The following ZKSCAN5 variants were observed in gnomAD, a reference collection of about 807,000 sequenced individuals.
ZKSCAN5 encodes the protein zinc finger with KRAB and SCAN domains 5.
ZKSCAN5 carries 28 observed loss-of-function variants against 60.0 expected under a neutral mutation model. That is an observed-to-expected ratio of 0.47 (90% CI 0.35 to 0.64). The LOEUF (loss-of-function observed/expected upper bound fraction) is 0.64, where lower values mean the gene tolerates loss of function less well. Among genes scored for constraint, ZKSCAN5 ranks in the 30% least tolerant of loss-of-function variants. The probability of loss-of-function intolerance (pLI) is 0.01; values close to 1 mark genes in which losing one functional copy is unlikely to be tolerated. For missense variants in ZKSCAN5, 881 were observed against 1,034.6 expected, an observed-to-expected ratio of 0.85 and a Z score of 2.04; for synonymous variants, 361 against 371.2, an observed-to-expected ratio of 0.97 and a Z score of 0.31.
Position 99,526,320 on chromosome 7 carries a change from A to G in ZKSCAN5, c.1280A>G (p.Glu427Gly). 6.2e-7 allele frequency: 1 copy of G among 1,610,998 alleles called. No individual in the cohort carries two copies. Among genetic ancestry groups the G allele is most frequent in the Non-Finnish European group, 8.5e-7 (1 of 1,180,010 alleles). ...CAGCACCACAGTGTCCACAGCGGAG[A>G]GAGGCCCTATGGCTGCAATGAGTGT... ...LVQHHSVHSG[E>G]RPYGCNECGK... Residue 427 changes from glutamate to glycine, a missense_variant, in exon 6 of 7, where the codon GAG becomes GGG. This residue lies in a region of ZKSCAN5 where 490 missense variants were observed against 554.5 expected (regional missense o/e 0.88). Coordinates refer to ENST00000326775, the MANE Select transcript of ZKSCAN5 (RefSeq NM_145102.4).
chr7:99,506,365 GCCC>G lies in ZKSCAN5; in HGVS notation c.322_324del (p.Pro108del). ...TGACCATCCTGCCTGAAGAGTTCCA[GCCC>G]TGGGTGAGGGAACATCACCCTGAAA... On this transcript the variant is annotated inframe_deletion, in exon 2 of 7. Transcript: ENST00000326775. The G allele has an allele frequency of 6.2e-7, 1 of 1,614,224 alleles. No individual in the cohort carries two copies. Among genetic ancestry groups the G allele is most frequent in the Non-Finnish European group, 8.5e-7 (1 of 1,180,046 alleles).
Position 99,532,558 on chromosome 7 carries a change from A to C in ZKSCAN5, c.*309A>C. The C allele has an allele frequency of 4.1e-6, 1 of 242,002 alleles. No homozygotes were observed. The highest frequency in any genetic ancestry group is 7.9e-6 in the Non-Finnish European group (1 of 126,518). The allele number at this position is 242,002 out of a possible 1,614,324, so 15.0% of individuals were successfully genotyped here. ...AGTTGACATTCAGTCTTCACTTGAA[A>C]CTCAAAACTGACACTAGGAACAGCT... On this transcript the variant is annotated 3_prime_UTR_variant, in exon 7 of 7. Coordinates refer to ENST00000326775, the MANE Select transcript of ZKSCAN5 (RefSeq NM_145102.4).
intron 3 of ZKSCAN5, among the ~76,000 whole-genome samples, chr7:99,515,141 A>G (rs1204233121): frequency 1.3e-5 from 2 of 152,058 alleles, no homozygotes; most frequent in Non-Finnish European, 2.9e-5. Flanking sequence ...GTGGTGGCTC[A>G]CGCTTGTAAT....
chr7:99,513,932 C>T (rs915538635), intron 3 of ZKSCAN5, among the ~76,000 whole-genome samples: 4 of 152,070 alleles, frequency 2.6e-5, no homozygotes, highest in African/African-American at 9.7e-5. Context: ...GTAATCCCAG[C>T]TACTCAGGAG....
At chr7:99,509,109 C>T (rs766270550) in intron 2 of ZKSCAN5, among the ~76,000 whole-genome samples, 2 of 152,232 alleles carry the variant, frequency 1.3e-5, no homozygotes, top group South Asian at 2.1e-4. Context: ...CTGCCTCAGC[C>T]TCCCGAGTAG....
At chr7:99,520,636 C>T (rs1194080250) in intron 5 of ZKSCAN5, among the ~76,000 whole-genome samples, 2 of 151,910 alleles carry the variant, frequency 1.3e-5, no homozygotes, top group African/African-American at 2.4e-5. Flanking sequence ...TTTGGGAGGC[C>T]GAGGTGGGAG....
intron 3 of ZKSCAN5, among the ~76,000 whole-genome samples, chr7:99,514,977 G>A (rs1163196882): frequency 1.3e-5 from 2 of 152,040 alleles, no homozygotes; most frequent in Non-Finnish European, 2.9e-5. Flanking sequence ...CTATACCAGA[G>A]GCTGAGGTGG....
rs1801766468 is a variant in ZKSCAN5, at chr7:99,525,994, A to G, written c.954A>G (p.Ser318=). 6.2e-7 allele frequency: 1 copy of G among 1,614,144 alleles called. No homozygotes were observed. The highest frequency in any genetic ancestry group is 8.5e-7 in the Non-Finnish European group (1 of 1,180,036). Residue 318 remains serine, a synonymous_variant, in exon 6 of 7, where the codon TCA becomes TCG. Transcript: ENST00000326775. The part of the protein sequence containing the change: ...RWQVNPTVGK[S]RQNPSQKRDL... ...AGGTCAACCCCACTGTGGGGAAATCAAGGCAGAATCCTTCCCAGAAAAGGG... is the reference window on the plus strand; with the variant it reads ...AGGTCAACCCCACTGTGGGGAAATCGAGGCAGAATCCTTCCCAGAAAAGGG...
intron 2 of ZKSCAN5, among the ~76,000 whole-genome samples, chr7:99,511,994 G>C (rs1371731953): frequency 2.6e-5 from 4 of 152,036 alleles, no homozygotes; most frequent in Non-Finnish European, 4.4e-5. Flanking sequence ...GGGTTTCACC[G>C]TGTTAGCCAG....
In ZKSCAN5 at chr7:99,506,088, C is replaced by G. The variant is rs1317232881; in HGVS notation, c.44C>G (p.Pro15Arg). 1 of 1,613,976 alleles carries G rather than the reference C, an allele frequency of 6.2e-7. No homozygotes were observed. ...ESREVIDLDP[P>R]AETSQEQEDL... ...CGAGAAGTTATAGACTTAGACCCCC[C>G]AGCTGAGACTTCCCAGGAGCAGGAA... The change falls in exon 2 of 7, where the codon CCA becomes CGA. Residue 15 changes from proline (P) to arginine (R), a missense_variant. By Grantham distance (103) the Pro-to-Arg change is moderately radical. Coordinates refer to ENST00000326775, the MANE Select transcript of ZKSCAN5 (RefSeq NM_145102.4).
At chr7:99,526,523 G>T (rs1801801992) in intron 6 of ZKSCAN5, 105 bp downstream of exon 6, 2 of 1,477,702 alleles carry the variant, frequency 1.4e-6, no homozygotes, top group South Asian at 1.3e-5. Context: ...ACTGGGGGGG[G>T]TAGGAAGAGG....
At chr7:99,510,893 G>GGCGCCCA in intron 2 of ZKSCAN5, among the ~76,000 whole-genome samples, 2 of 152,054 alleles carry the variant, frequency 1.3e-5, no homozygotes, top group African/African-American at 4.8e-5. Context: ...ATAGATGTAT[G>GGCGCCCA]CTACCAGGCC....
chr7:99,524,555 A>T (rs1463007671), intron 5 of ZKSCAN5, among the ~76,000 whole-genome samples: 1 of 152,142 alleles, frequency 6.6e-6, no homozygotes, highest in Non-Finnish European at 1.5e-5. Flanking sequence ...GTCTCTGCAA[A>T]CCATATTAAA....
intron 3 of ZKSCAN5, among the ~76,000 whole-genome samples, chr7:99,517,815 C>G (rs940204754): frequency 6.6e-6 from 1 of 151,378 alleles, no homozygotes; most frequent in African/African-American, 2.4e-5. Context: ...CCACTGTACT[C>G]CAGCCTGGGT....
At chr7:99,526,597 C>G (rs1366958986) in intron 6 of ZKSCAN5, among the ~76,000 whole-genome samples, 179 bp downstream of exon 6, 1 of 152,180 alleles carries the variant, frequency 6.6e-6, no homozygotes, top group African/African-American at 2.4e-5. Flanking sequence ...CTCTGTCGCC[C>G]AGGCTGGAGT....
At position 99,512,447 on chromosome 7, in the gene ZKSCAN5, T is replaced by G. The variant is rs1440349092; in HGVS notation, c.415-6T>G. The G allele has an allele frequency of 6.2e-7, 1 of 1,613,138 alleles. No individual in the cohort carries two copies. Among genetic ancestry groups the G allele is most frequent in the Admixed American group, 1.7e-5 (1 of 59,854 alleles). On this transcript the variant is annotated splice_region_variant and splice_polypyrimidine_tract_variant and intron_variant, in intron 2 of 6. Coordinates refer to ENST00000326775, the MANE Select transcript of ZKSCAN5 (RefSeq NM_145102.4). The stretch of plus-strand genomic sequence containing the variant: ...TGTACTGATCGGTTTTGGTTGTGGT[T>G]GTTAGATTGTTGCCTGCCCTGATGT...
chr7:99,527,896 C>T (rs1450955129), intron 6 of ZKSCAN5, among the ~76,000 whole-genome samples: 1 of 151,916 alleles, frequency 6.6e-6, no homozygotes, highest in Non-Finnish European at 1.5e-5. Context: ...ACTATATTGG[C>T]CAGGATGGTC....
At chr7:99,512,315 CAT>C in intron 2 of ZKSCAN5, 136 bp from the exon 3 acceptor site, 1 of 1,033,272 alleles carries the variant, frequency 9.7e-7, no homozygotes, top group Non-Finnish European at 1.4e-6. Flanking sequence ...TAAGTAACTG[CAT>C]AATCAGTGCG....
At chr7:99,512,781 T>A (rs1460320823) in intron 3 of ZKSCAN5, among the ~76,000 whole-genome samples, 190 bp downstream of exon 3, 1 of 152,106 alleles carries the variant, frequency 6.6e-6, no homozygotes, top group Non-Finnish European at 1.5e-5. Flanking sequence ...ATTCCTAGAA[T>A]GGCTAGGAAT....
Sources: gnomAD v4.1 joint callset for allele counts (sites outside exome capture counted in the v4.1 genomes callset) on GRCh38, gnomAD v4.1.1 for gene constraint, gnomAD v4.1.1 regional missense constraint, MANE v1.5 for transcripts, NCBI Gene and HGNC (gene_info 2026-07-23, HGNC 2026-07-21) for gene names.